Variants in CERS2 observed in about 807,000 individuals in gnomAD.
CERS2 encodes LAG1 homolog, ceramide synthase 2.
In CERS2, 20 loss-of-function variants were observed where a neutral mutation model predicts 56.6. That is an observed-to-expected ratio of 0.35 (90% CI 0.25 to 0.51). The LOEUF is 0.51. CERS2 is among the 20% of genes least tolerant of loss of function. CERS2 has a pLI of 0.96. For missense variants in CERS2, 361 were observed against 488.6 expected (o/e 0.74, Z 2.46); for synonymous variants, 187 against 175.4 (o/e 1.07, Z -0.52).
intron 1 of CERS2, 134 bp from the exon 2 acceptor site, chr1:150,969,225 T>C (rs1671116259): frequency 4.1e-6 from 3 of 724,968 alleles, no homozygotes; most frequent in Admixed American, 5.4e-5. Context: ...ATCCTGGCTA[T>C]GTAGCCTTGG....
chr1:150,968,837 A>G, intron 2 of CERS2, 81 bp downstream of exon 2: 2 of 1,379,944 alleles, frequency 1.4e-6, no homozygotes, highest in Admixed American at 3.6e-5. Flanking sequence ...AGGGCTAATT[A>G]AACAGCAAGG....
At position 150,969,079 on chromosome 1, in the gene CERS2, G is replaced by A; in HGVS notation, c.12C>T (p.Thr4=). 1 of 1,613,922 alleles carries A rather than the reference G, an allele frequency of 6.2e-7. No individual in the cohort carries two copies. Among genetic ancestry groups the A allele is most frequent in the Non-Finnish European group, 8.5e-7 (1 of 1,180,018 alleles). MLQ[T]LYDYFWWERL... ...GTTCCCACCAGAAGTAATCATACAAGGTCTGGAGCATCCTGAGTGAGGGGC... is the reference window on the plus strand; with the variant it reads ...GTTCCCACCAGAAGTAATCATACAAAGTCTGGAGCATCCTGAGTGAGGGGC... Residue 4 remains threonine, a synonymous_variant, in exon 2 of 11, where the codon ACC becomes ACT. Transcript: ENST00000368954.
At chr1:150,968,631 C>A (rs1184026290) in intron 2 of CERS2, 119 bp from the exon 3 acceptor site, 1 of 846,364 alleles carries the variant, frequency 1.2e-6, no homozygotes, top group East Asian at 2.4e-5. Flanking sequence ...TTTTCTCTAG[C>A]CTCCAGGGCT....
chr1:150,971,882 G>A (rs1671188692), intron 1 of CERS2: 1 of 471,060 alleles, frequency 2.1e-6, no homozygotes, highest in Admixed American at 2.4e-5. Context: ...AACTTCTCCA[G>A]GGAAATGTAA....
intron 1 of CERS2, among the ~76,000 whole-genome samples, chr1:150,969,472 G>A (rs1671122865): frequency 6.6e-6 from 1 of 152,000 alleles, no homozygotes; most frequent in Admixed American, 6.6e-5. Flanking sequence ...CTACTCAGGA[G>A]GCTGAGGCAG....
At chr1:150,973,424 G>A (rs1472351961) in intron 1 of CERS2, among the ~76,000 whole-genome samples, 1 of 152,234 alleles carries the variant, frequency 6.6e-6, no homozygotes, top group Non-Finnish European at 1.5e-5. Context: ...CCAGCCTATG[G>A]CCAGTGACAG....
Position 150,967,061 on chromosome 1 carries a change from G to C in CERS2, c.741+13C>G. 6.2e-7 allele frequency: 1 copy of C among 1,613,926 alleles called. No individual in the cohort carries two copies. Among genetic ancestry groups the C allele is most frequent in the East Asian group, 2.2e-5 (1 of 44,886 alleles). On this transcript the variant is annotated intron_variant, in intron 8 of 10. Transcript: ENST00000368954. Reference sequence around the variant, plus strand: ...AACCTGCACCAGGGTCTCTAGATTTGAGGAAGCCTGACCTCCAGCAGGTAA... The same window carrying C: ...AACCTGCACCAGGGTCTCTAGATTTCAGGAAGCCTGACCTCCAGCAGGTAA...
At chr1:150,969,191 C>A in intron 1 of CERS2, 100 bp from the exon 2 acceptor site, 2 of 1,008,286 alleles carry the variant, frequency 2.0e-6, no homozygotes, top group Non-Finnish European at 1.5e-6. Flanking sequence ...GAGAAGGGGG[C>A]AGAGAGTCGA....
chr1:150,967,558 G>T, intron 6 of CERS2, 74 bp from the exon 7 acceptor site: 1 of 1,412,700 alleles, frequency 7.1e-7, no homozygotes, highest in Non-Finnish European at 1.0e-6. Flanking sequence ...TAGCCCCTGA[G>T]GTTCTTCATT....
chr1:150,966,745 T>C lies in CERS2; in HGVS notation c.848+11A>G. The C allele has an allele frequency of 1.9e-6, 3 of 1,608,222 alleles. No individual in the cohort carries two copies. Among genetic ancestry groups the C allele is most frequent in the Non-Finnish European group, 2.6e-6 (3 of 1,174,764 alleles). On this transcript the variant is annotated intron_variant, in intron 9 of 10. Coordinates refer to ENST00000368954, the MANE Select transcript of CERS2 (RefSeq NM_022075.5). ...CTTCAGAACAGGAGTGTAGCCTAGC[T>C]GCCTACTCACCAGAAGGGCAGGATG...
chr1:150,971,683 T>C (rs1482325593), intron 1 of CERS2, among the ~76,000 whole-genome samples: 1 of 152,116 alleles, frequency 6.6e-6, no homozygotes. Context: ...AAACACACAC[T>C]TTTTTCCTAG....
Position 150,967,450 on chromosome 1 carries a change from A to G in CERS2, c.554T>C (p.Ile185Thr), listed in dbSNP as rs1671054966. 6.2e-7 allele frequency: 1 copy of G among 1,601,234 alleles called. No homozygotes were observed. The change falls in exon 7 of 11, where the codon ATT becomes ACT. Residue 185 changes from isoleucine (I) to threonine (T), a missense_variant. Ile to Thr is a moderately conservative substitution (Grantham distance 89). Around this residue, in one of 3 missense-constraint regions of CERS2, gnomAD observed 236 missense variants for 309.2 expected, o/e 0.76. Coordinates refer to ENST00000368954, the MANE Select transcript of CERS2 (RefSeq NM_022075.5). The part of the protein sequence containing the change: ...TIPSQYWYYM[I>T]ELSFYWSLLF... ...CAGGGACCAGTAGAAGGAAAGTTCA[A>G]TCATGTAGTACCAATACTGGGAAGG... is the stretch of plus-strand genomic sequence containing the variant.
chr1:150,973,151 T>C (rs1229996580), intron 1 of CERS2: 1 of 152,188 alleles, frequency 6.6e-6, no homozygotes, highest in Admixed American at 6.5e-5. Flanking sequence ...CTACAAGCCA[T>C]GGATGGAGCC....
intron 1 of CERS2, among the ~76,000 whole-genome samples, chr1:150,970,523 C>T (rs1430202613): frequency 6.6e-6 from 1 of 152,104 alleles, no homozygotes; most frequent in African/African-American, 2.4e-5. Context: ...CAGGGTCTTC[C>T]TCTGTCACCC....
rs1558035295 is a variant in CERS2, at chr1:150,974,780, C to CGCCGCCGCCAGCCGCG, written c.-164_-163insCGCGGCTGGCGGCGGC. The CGCCGCCGCCAGCCGCG allele has an allele frequency of 2.6e-5, 4 of 152,518 alleles. No homozygotes were observed. The highest frequency in any genetic ancestry group is 9.8e-5 in the African/African-American group (4 of 41,024). 9.4% of individuals were successfully genotyped at this position (152,518 alleles called of 1,614,324 possible). On this transcript the variant is annotated 5_prime_UTR_variant, in exon 1 of 11. Transcript: ENST00000368954. The stretch of plus-strand genomic sequence containing the variant: ...TCGCCCTCCCTCCTCCGCCAGCCGC[C>CGCCGCCGCCAGCCGCG]GGCGCCGCCGCCGCCGCCCGCCGAG...
chr1:150,966,755 C>A lies in CERS2; in HGVS notation c.848+1G>T. On this transcript the variant is annotated splice_donor_variant, in intron 9 of 10. Coordinates refer to ENST00000368954, the MANE Select transcript of CERS2 (RefSeq NM_022075.5). LOFTEE classifies it high-confidence loss of function. ...GGAGTGTAGCCTAGCTGCCTACTCA[C>A]CAGAAGGGCAGGATGACCAGTCGGG... 6.2e-7 allele frequency: 1 copy of A among 1,612,376 alleles called. No homozygotes were observed. The highest frequency in any genetic ancestry group is 8.5e-7 in the Non-Finnish European group (1 of 1,178,476).
rs138923980 is a variant in CERS2, at chr1:150,965,868, G to C, written c.*280C>G. On this transcript the variant is annotated 3_prime_UTR_variant, in exon 11 of 11. Coordinates refer to ENST00000368954, the MANE Select transcript of CERS2 (RefSeq NM_022075.5). The stretch of plus-strand genomic sequence containing the variant: ...GTAACCCCTACCCACAGAGAGCTGA[G>C]GGAGGGCCTCAAAAGCAGTAGAAAG... 5.5e-6 allele frequency: 2 copies of C among 361,098 alleles called. No individual in the cohort carries two copies. Among genetic ancestry groups the C allele is most frequent in the Non-Finnish European group, 9.9e-6 (2 of 201,370 alleles). 22.4% of individuals were successfully genotyped at this position (361,098 alleles called of 1,614,324 possible). A position where few individuals can be genotyped will look rare whatever the true frequency, so the allele number is the denominator to read the frequency against.
chr1:150,973,099 T>G (rs1465436722), intron 1 of CERS2: 1 of 152,208 alleles, frequency 6.6e-6, no homozygotes, highest in Non-Finnish European at 1.5e-5. Context: ...TCTTCCTTGT[T>G]GAAAACTTTC....
chr1:150,972,833 A>G (rs1671217426), intron 1 of CERS2, among the ~76,000 whole-genome samples: 1 of 152,122 alleles, frequency 6.6e-6, no homozygotes, highest in Non-Finnish European at 1.5e-5. Context: ...CCCAACTCTG[A>G]CTGACACCCC....
Sources: allele counts gnomAD v4.1 joint callset (sites outside exome capture counted in the v4.1 genomes callset), GRCh38; gene constraint gnomAD v4.1.1; regional missense constraint gnomAD v4.1.1; transcripts MANE v1.5; gene names NCBI Gene and HGNC (gene_info 2026-07-23, HGNC 2026-07-21).